The following SLC16A10 variants were observed in gnomAD, a reference collection of about 807,000 sequenced individuals.
SLC16A10 encodes the protein monocarboxylate transporter 10.
In SLC16A10, 27 loss-of-function variants were observed where a neutral mutation model predicts 40.0. The observed-to-expected ratio is 0.67, with a 90% CI of 0.50 to 0.93. SLC16A10 has a LOEUF of 0.93. SLC16A10 is among the 40% of genes least tolerant of loss of function. The probability of loss-of-function intolerance (pLI) is 0.00; values close to 1 mark genes in which losing one functional copy is unlikely to be tolerated. For missense variants in SLC16A10, 529 were observed against 658.2 expected (o/e 0.80, Z 2.15); for synonymous variants, 213 against 249.8 (o/e 0.85, Z 1.39).
In SLC16A10 at chr6:111,087,785, G is replaced by A. The variant is rs1443412434; in HGVS notation, c.33G>A (p.Ala11=). 1 of 1,229,968 alleles carries A rather than the reference G, an allele frequency of 8.1e-7. No individual in the cohort carries two copies. The highest frequency in any genetic ancestry group is 1.0e-6 in the Non-Finnish European group (1 of 987,656). 76.2% of individuals were successfully genotyped at this position (1,229,968 alleles called of 1,614,324 possible). The change falls in exon 1 of 6, where the codon GCG becomes GCA. Residue 11 remains alanine, a synonymous_variant. Transcript: ENST00000368851. MVLSQEEPDS[A]RGTSEAQPLG... is the part of the protein sequence containing the mutation. ...TCTCCCAGGAGGAGCCGGACTCCGC[G>A]CGGGGCACGAGCGAGGCGCAGCCGC...
chr6:111,097,297 TA>T (rs1771090700), intron 1 of SLC16A10, among the ~76,000 whole-genome samples: 1 of 152,166 alleles, frequency 6.6e-6, no homozygotes, highest in South Asian at 2.1e-4. Context: ...GCTTTACTTT[TA>T]TTTTTTAAAT....
intron 1 of SLC16A10, among the ~76,000 whole-genome samples, chr6:111,092,924 C>T: frequency 6.6e-6 from 1 of 151,566 alleles, no homozygotes; most frequent in East Asian, 2.0e-4. Flanking sequence ...GCGTGTAATC[C>T]CAGCTATTCG....
chr6:111,193,178 A>G (rs1201832773), intron 3 of SLC16A10: 2 of 469,470 alleles, frequency 4.3e-6, no homozygotes, highest in African/African-American at 4.2e-5. Flanking sequence ...GTGAATGATT[A>G]AGACACCTTC....
chr6:111,209,774 C>T (rs1307403426), intron 4 of SLC16A10, among the ~76,000 whole-genome samples: 2 of 152,164 alleles, frequency 1.3e-5, no homozygotes, highest in South Asian at 2.1e-4. Context: ...TAGCTAGTGA[C>T]AAAGAGGCTG....
At chr6:111,159,687 T>C (rs954146644) in intron 1 of SLC16A10, among the ~76,000 whole-genome samples, 2 of 152,220 alleles carry the variant, frequency 1.3e-5, no homozygotes, top group Admixed American at 1.3e-4. Context: ...CTGGGTCATA[T>C]GGTAGGTTTA....
At chr6:111,178,521 G>A in intron 3 of SLC16A10, 1 of 479,908 alleles carries the variant, frequency 2.1e-6, no homozygotes. Flanking sequence ...GACCAGCGTG[G>A]GCAACATAAG....
At chr6:111,114,864 T>C (rs1325913455) in intron 1 of SLC16A10, among the ~76,000 whole-genome samples, 1 of 152,176 alleles carries the variant, frequency 6.6e-6, no homozygotes, top group East Asian at 1.9e-4. Flanking sequence ...TAAAGGTACG[T>C]TATCTATTTA....
chr6:111,148,733 CCTG>C (rs978029404), intron 1 of SLC16A10, among the ~76,000 whole-genome samples: 2 of 152,200 alleles, frequency 1.3e-5, no homozygotes, highest in Non-Finnish European at 2.9e-5. Context: ...CTTCCTCCAC[CCTG>C]TGTCTGTGTG....
intron 1 of SLC16A10, among the ~76,000 whole-genome samples, chr6:111,109,341 G>A (rs1390932024): frequency 6.6e-6 from 1 of 151,676 alleles, no homozygotes; most frequent in Non-Finnish European, 1.5e-5. Flanking sequence ...GTTTTCTTTT[G>A]TATCTGTTTT....
At position 111,177,235 on chromosome 6, in the gene SLC16A10, C is replaced by G; in HGVS notation, c.512C>G (p.Thr171Ser). The change falls in exon 3 of 6, where the codon ACC becomes AGC. Residue 171 changes from threonine to serine, a missense_variant. By Grantham distance (58) the Thr-to-Ser change is moderately conservative (BLOSUM62 1). Transcript: ENST00000368851. The stretch of plus-strand genomic sequence containing the variant: ...AGTTCCATCGAGCCTCTGTACCTTA[C>G]CTATGGAATCATATTTGCCTGCGGC... Reference protein sequence around the residue: ...FVSSIEPLYLTYGIIFACGCS... With the variant: ...FVSSIEPLYLSYGIIFACGCS... 1 of 1,563,316 alleles carries G rather than the reference C, an allele frequency of 6.4e-7. No individual in the cohort carries two copies. The highest frequency in any genetic ancestry group is 8.6e-7 in the Non-Finnish European group (1 of 1,157,968).
At chr6:111,218,755 A>C in intron 4 of SLC16A10, 59 bp from the exon 5 acceptor site, 1 of 1,386,734 alleles carries the variant, frequency 7.2e-7, no homozygotes, top group Admixed American at 1.7e-5. Context: ...AGCATGTTGC[A>C]TGGTAATTGT....
chr6:111,094,974 C>A (rs1174941299), intron 1 of SLC16A10, among the ~76,000 whole-genome samples: 1 of 152,208 alleles, frequency 6.6e-6, no homozygotes. Flanking sequence ...TTAGTCATAA[C>A]CCCTTAACAG....
chr6:111,179,678 G>A (rs1241827661), intron 3 of SLC16A10, among the ~76,000 whole-genome samples: 1 of 152,228 alleles, frequency 6.6e-6, no homozygotes. Context: ...ATGGTGCACA[G>A]AACAATAAAG....
intron 1 of SLC16A10, among the ~76,000 whole-genome samples, chr6:111,110,308 T>C (rs924932401): frequency 6.6e-6 from 1 of 150,752 alleles, no homozygotes; most frequent in Non-Finnish European, 1.5e-5. Flanking sequence ...AGAAGTAGGG[T>C]GGTAGCTAGA....
At chr6:111,158,635 C>G (rs1169215236) in intron 1 of SLC16A10, among the ~76,000 whole-genome samples, 1 of 152,110 alleles carries the variant, frequency 6.6e-6, no homozygotes, top group Non-Finnish European at 1.5e-5. Context: ...GCTGGGGACC[C>G]CTGCTGTAAA....
At chr6:111,213,807 G>C (rs925340751) in intron 4 of SLC16A10, among the ~76,000 whole-genome samples, 3 of 152,252 alleles carry the variant, frequency 2.0e-5, no homozygotes, top group African/African-American at 4.8e-5. Context: ...GCCACCTGCT[G>C]TGTGGCCTGA....
chr6:111,093,403 G>T (rs1466318048), intron 1 of SLC16A10, among the ~76,000 whole-genome samples: 1 of 152,178 alleles, frequency 6.6e-6, no homozygotes, highest in Non-Finnish European at 1.5e-5. Flanking sequence ...AGGGATGAAT[G>T]AATCTTGCAG....
chr6:111,215,778 G>A (rs1005537645), intron 4 of SLC16A10, among the ~76,000 whole-genome samples: 3 of 152,218 alleles, frequency 2.0e-5, no homozygotes, highest in Admixed American at 6.5e-5. Flanking sequence ...GCCAAAGCAA[G>A]TAGTTTGTTT....
At chr6:111,178,779 T>C (rs1176395575) in intron 3 of SLC16A10, 10 of 204,582 alleles carry the variant, frequency 4.9e-5, no homozygotes, top group Non-Finnish European at 8.8e-5. Context: ...GTGCAATTTT[T>C]CTTTAGTTAA....
Sources: allele counts gnomAD v4.1 joint callset (sites outside exome capture counted in the v4.1 genomes callset), GRCh38; gene constraint gnomAD v4.1.1; transcripts MANE v1.5; gene names NCBI Gene and HGNC (gene_info 2026-07-23, HGNC 2026-07-21).